LSM12: variants seen among roughly 807,000 people sequenced by gnomAD.
The protein encoded by LSM12 is LSM12 homolog.
For missense variants in LSM12, 108 were observed against 238.9 expected (o/e 0.45, Z 3.61); for synonymous variants, 74 against 87.3 (o/e 0.85, Z 0.85).
intron 3 of LSM12, among the ~76,000 whole-genome samples, chr17:44,038,297 T>C (rs1226497525): frequency 7.0e-6 from 1 of 142,132 alleles, no homozygotes; most frequent in Non-Finnish European, 1.5e-5. Context: ...GAGGCTATAG[T>C]AAGCTAAAAT....
At chr17:44,041,334 A>ACACACAAACACAC (rs2049491143) in intron 2 of LSM12, among the ~76,000 whole-genome samples, 4 of 104,584 alleles carry the variant, frequency 3.8e-5, no homozygotes, top group Non-Finnish European at 7.7e-5. Flanking sequence ...CACACACACA[A>ACACACAAACACAC]ACACACACAC....
chr17:44,039,110 C>T (rs2049453369), intron 3 of LSM12, among the ~76,000 whole-genome samples: 1 of 152,016 alleles, frequency 6.6e-6, no homozygotes, highest in Admixed American at 6.6e-5. Context: ...GGCTGGAATG[C>T]AATGCACAAT....
chr17:44,038,418 G>A (rs1221259323), intron 3 of LSM12, among the ~76,000 whole-genome samples: 2 of 151,196 alleles, frequency 1.3e-5, no homozygotes, highest in African/African-American at 4.9e-5. Context: ...CCAGCACTTT[G>A]GAGGCCGAAG....
At chr17:44,043,181 G>T (rs1285640921) in intron 2 of LSM12, among the ~76,000 whole-genome samples, 1 of 152,252 alleles carries the variant, frequency 6.6e-6, no homozygotes. Context: ...GCAGGCGTGA[G>T]CACAGAAGGC....
chr17:44,055,534 G>A (rs989793892), intron 2 of LSM12, among the ~76,000 whole-genome samples: 67 of 148,404 alleles, frequency 4.5e-4, no homozygotes, highest in African/African-American at 1.5e-3. Flanking sequence ...AAAATTAGCC[G>A]GGCATTGTGG....
intron 2 of LSM12, among the ~76,000 whole-genome samples, chr17:44,063,152 CA>C (rs2049822501): frequency 6.6e-6 from 1 of 151,962 alleles, no homozygotes; most frequent in Non-Finnish European, 1.5e-5. Flanking sequence ...CCCAGCTACT[CA>C]GAAGGCCGAG....
chr17:44,044,164 G>T (rs1166592572), intron 2 of LSM12, among the ~76,000 whole-genome samples: 4 of 152,038 alleles, frequency 2.6e-5, no homozygotes, highest in Non-Finnish European at 5.9e-5. Context: ...GAATGTTTAA[G>T]AATGGAACTG....
chr17:44,066,355 G>A, intron 1 of LSM12, 109 bp downstream of exon 1: 2 of 1,367,840 alleles, frequency 1.5e-6, no homozygotes, highest in Middle Eastern at 2.7e-4. Context: ...CGCGGTAGCC[G>A]GTCGCCCCTA....
At chr17:44,045,630 G>A (rs1382650616) in intron 2 of LSM12, among the ~76,000 whole-genome samples, 1 of 152,086 alleles carries the variant, frequency 6.6e-6, no homozygotes, top group Non-Finnish European at 1.5e-5. Flanking sequence ...GAATGTAATG[G>A]CACAATCTCA....
rs779438174 is a variant in LSM12 at position 44,063,844 on chromosome 17, C to T, written c.215G>A (p.Arg72Gln). 26 of 1,613,636 alleles carry T rather than the reference C, an allele frequency of 1.6e-5. No homozygotes were observed. The East Asian group carries it at 2.2e-4, about 14-fold the overall frequency. ...AGCTAGGGGAGGAGGGGTTTCTGTT[C>T]GGTCATTAATTATTTCCACTTCTGA... ...YVSEVEIINDRTETPPPLASL... is the reference protein window; with the variant it reads ...YVSEVEIINDQTETPPPLASL... Residue 72 changes from arginine (R) to glutamine (Q), a missense_variant, in exon 2 of 5, where the codon CGA (arginine) becomes CAA (glutamine). Arg to Gln is a conservative substitution (Grantham distance 43). Transcript: ENST00000293406.
intron 2 of LSM12, among the ~76,000 whole-genome samples, chr17:44,063,088 G>C (rs1461995271): frequency 6.6e-6 from 1 of 151,892 alleles, no homozygotes; most frequent in Non-Finnish European, 1.5e-5. Flanking sequence ...GCCGGGCGCA[G>C]TGGCTCCAAT....
rs751370357 is a variant in LSM12, at chr17:44,036,199, T to A, written c.*9A>T. On this transcript the variant is annotated 3_prime_UTR_variant, in exon 5 of 5. Transcript: ENST00000293406. The stretch of plus-strand genomic sequence containing the variant: ...CTGGATGCTGGAAGAGTCCTCCATG[T>A]GTACGGACTCAGGATGACAGGGCAG... 3.7e-6 allele frequency: 6 copies of A among 1,609,880 alleles called. No individual in the cohort carries two copies. The South Asian group carries it at 6.6e-5, about 18-fold the overall frequency.
At chr17:44,053,234 A>G (rs73306675) in intron 2 of LSM12, among the ~76,000 whole-genome samples, 1,903 of 152,334 alleles carry the variant, frequency 0.012, 36 homozygotes, top group African/African-American at 0.043. Flanking sequence ...CTTGTCTTAG[A>G]TAAGTTTCAT....
intron 2 of LSM12, among the ~76,000 whole-genome samples, chr17:44,061,780 C>A (rs536859004): frequency 1.3e-5 from 2 of 152,308 alleles, no homozygotes; most frequent in East Asian, 3.9e-4. Context: ...TAATGAAAAG[C>A]ACCTGCTACT....
intron 1 of LSM12, among the ~76,000 whole-genome samples, chr17:44,065,681 G>A (rs2049863757): frequency 6.6e-6 from 1 of 152,014 alleles, no homozygotes; most frequent in Non-Finnish European, 1.5e-5. Flanking sequence ...CTGCTACTAC[G>A]TAAAAGGACT....
chr17:44,037,297 C>T, intron 4 of LSM12, 115 bp downstream of exon 4: 1 of 1,274,504 alleles, frequency 7.8e-7, no homozygotes. Flanking sequence ...CCAGACAGGG[C>T]CTCTGCTGCT....
chr17:44,043,222 G>C (rs533258940), intron 2 of LSM12, among the ~76,000 whole-genome samples: 2 of 152,344 alleles, frequency 1.3e-5, no homozygotes, highest in South Asian at 4.1e-4. Context: ...GCCTCCCCGG[G>C]TAAGAGAGGG....
Position 44,034,344 on chromosome 17 carries a change from G to A in LSM12, c.*1864C>T, listed in dbSNP as rs2049393865. On this transcript the variant is annotated 3_prime_UTR_variant, in exon 5 of 5. Transcript: ENST00000293406. ...AGACCAGTGGCAGGTGGATCTGAAA[G>A]TTTACTTCTCAGCTCGCCGACCATT... is the stretch of plus-strand genomic sequence containing the variant. Among the ~76,000 whole-genome samples, 1 of 152,166 alleles carries A rather than the reference G, an allele frequency of 6.6e-6. No homozygotes were observed.
At chr17:44,060,108 T>C (rs1239859305) in intron 2 of LSM12, among the ~76,000 whole-genome samples, 1 of 152,142 alleles carries the variant, frequency 6.6e-6, no homozygotes, top group Non-Finnish European at 1.5e-5. Context: ...GAGCTTGCAG[T>C]GAGCCGAGAT....
Sources: gnomAD v4.1 joint callset for allele counts (sites outside exome capture counted in the v4.1 genomes callset) on GRCh38, gnomAD v4.1.1 for gene constraint, MANE v1.5 for transcripts, NCBI Gene and HGNC (gene_info 2026-07-23, HGNC 2026-07-21) for gene names.